The following ZNF143 variants were observed in gnomAD, a reference collection of about 807,000 sequenced individuals.
The protein encoded by ZNF143 is zinc finger protein 143.
Under a neutral mutation model 74.1 loss-of-function variants are expected in ZNF143, and 49 were observed. The observed-to-expected ratio is 0.66, with a 90% confidence interval of 0.53 to 0.84. The LOEUF is 0.84. Among genes scored for constraint, ZNF143 ranks in the 40% least tolerant of loss-of-function variants. The pLI is 0.00. For missense variants in ZNF143, 637 were observed against 793.4 expected, an observed-to-expected ratio of 0.80 and a Z score of 2.37; for synonymous variants, 304 against 282.8, an observed-to-expected ratio of 1.07 and a Z score of -0.75.
At chr11:9,489,016 A>C (rs1847668826) in intron 7 of ZNF143, among the ~76,000 whole-genome samples, 1 of 152,224 alleles carries the variant, frequency 6.6e-6, no homozygotes, top group Non-Finnish European at 1.5e-5. Context: ...CAAATACTCT[A>C]TGCATTGAGG....
chr11:9,497,164 T>G (rs1048372780), intron 9 of ZNF143, among the ~76,000 whole-genome samples: 11 of 152,294 alleles, frequency 7.2e-5, no homozygotes, highest in Admixed American at 2.0e-4. Flanking sequence ...ACACACAACC[T>G]CTTTTAGACA....
At chr11:9,486,793 C>T (rs1228084716) in intron 7 of ZNF143, among the ~76,000 whole-genome samples, 2 of 149,580 alleles carry the variant, frequency 1.3e-5, no homozygotes, top group African/African-American at 5.0e-5. Flanking sequence ...CTCAGCCTCC[C>T]GAGTAGCTGG....
At chr11:9,521,003 G>A (rs1159407866) in intron 14 of ZNF143, among the ~76,000 whole-genome samples, 2 of 152,084 alleles carry the variant, frequency 1.3e-5, no homozygotes, top group Non-Finnish European at 2.9e-5. Flanking sequence ...ATTTTTTAGA[G>A]CTGTTATAGG....
At chr11:9,473,810 C>T (rs1856724666) in intron 3 of ZNF143, 131 bp from the exon 4 acceptor site, 1 of 1,578,376 alleles carries the variant, frequency 6.3e-7, no homozygotes, top group East Asian at 2.3e-5. Flanking sequence ...TGCCTCAGAA[C>T]ATTGAGGGAA....
intron 3 of ZNF143, 27 bp from the exon 4 acceptor site, chr11:9,473,914 T>C (rs1160216241): frequency 6.2e-7 from 1 of 1,613,598 alleles, no homozygotes; most frequent in South Asian, 1.1e-5. Context: ...TTTGTGCCAA[T>C]TTATTGTCTT....
At chr11:9,471,812 A>G (rs1324875633) in intron 2 of ZNF143, among the ~76,000 whole-genome samples, 1 of 151,974 alleles carries the variant, frequency 6.6e-6, no homozygotes, top group East Asian at 1.9e-4. Context: ...TCGGCCTCCC[A>G]AAGTGCTGGG....
chr11:9,516,465 G>A (rs960790499), intron 14 of ZNF143, 103 bp downstream of exon 14: 3 of 1,139,358 alleles, frequency 2.6e-6, no homozygotes, highest in African/African-American at 1.5e-5. Context: ...AAACTTGGGA[G>A]TGACTAATAT....
intron 5 of ZNF143, 58 bp downstream of exon 5, chr11:9,474,691 A>G (rs1590514951): frequency 6.8e-7 from 1 of 1,478,928 alleles, no homozygotes; most frequent in Non-Finnish European, 9.4e-7. Flanking sequence ...GGTGGGGGAA[A>G]GAAGACCTGT....
chr11:9,466,220 T>G (rs1856201948), intron 1 of ZNF143, among the ~76,000 whole-genome samples: 1 of 151,764 alleles, frequency 6.6e-6, no homozygotes, highest in South Asian at 2.1e-4. Context: ...TGACCTTAGG[T>G]GATCCACCCA....
chr11:9,489,955 A>G (rs1409773778), intron 7 of ZNF143, among the ~76,000 whole-genome samples: 1 of 152,142 alleles, frequency 6.6e-6, no homozygotes, highest in Non-Finnish European at 1.5e-5. Context: ...CTGAGGCAGG[A>G]GGATTGCTTG....
At position 9,483,986 on chromosome 11, in the gene ZNF143, G is replaced by C. The variant is rs914982413; in HGVS notation, c.645+4440G>C. ...GATGGTCTGAATCTCTTGACCTCGT[G>C]ATCCGCCCGCCTCAGCCTCCCAAAG... On this transcript the variant is annotated intron_variant, in intron 7 of 15. Transcript: ENST00000396602. Among the ~76,000 whole-genome samples, 3 of 150,548 alleles carry C rather than the reference G, an allele frequency of 2.0e-5. 1 individual carries two copies. The highest frequency in any genetic ancestry group is 7.4e-5 in the African/African-American group (3 of 40,392).
intron 7 of ZNF143, among the ~76,000 whole-genome samples, chr11:9,480,900 GAAAA>G (rs996501321): frequency 6.8e-6 from 1 of 147,932 alleles, no homozygotes; most frequent in African/African-American, 2.6e-5. Flanking sequence ...AAAAAAAAAA[GAAAA>G]AAGAAAAAGA....
chr11:9,503,905 G>A (rs1405605266), intron 11 of ZNF143, among the ~76,000 whole-genome samples: 1 of 146,534 alleles, frequency 6.8e-6, no homozygotes, highest in African/African-American at 2.5e-5. Flanking sequence ...ACCTGCCTTG[G>A]CCTCCCAAAG....
intron 11 of ZNF143, among the ~76,000 whole-genome samples, chr11:9,504,974 CT>C (rs111642415): frequency 0.029 from 2,102 of 73,460 alleles, 140 homozygotes; most frequent in African/African-American, 0.073. Context: ...CGCCCAGCCT[CT>C]TTTTTTTTTT....
Position 9,471,377 on chromosome 11 carries a change from G to T in ZNF143, c.69G>T (p.Ala23=), listed in dbSNP as rs199517484. Residue 23 remains alanine, a synonymous_variant, in exon 2 of 16, where the codon GCG becomes GCT. Coordinates refer to ENST00000396602, the MANE Select transcript of ZNF143 (RefSeq NM_003442.6). ...AGTTTCCTGGAGGAGGGATGGAGGC[G>T]CAACATGTTACGCTGTGCTTGACAG... is the stretch of plus-strand genomic sequence containing the variant. ...MTEFPGGGME[A]QHVTLCLTEA... 1.9e-5 allele frequency: 31 copies of T among 1,612,378 alleles called. 1 individual carries two copies. In the Middle Eastern group the frequency reaches 9.9e-4, roughly 51 times the overall value.
chr11:9,479,547 G>A lies in ZNF143; in HGVS notation c.645+1G>A. 6.2e-7 allele frequency: 1 copy of A among 1,610,968 alleles called. No homozygotes were observed. Among genetic ancestry groups the A allele is most frequent in the Non-Finnish European group, 8.5e-7 (1 of 1,178,722 alleles). ...AAATGAGCAAGAGAAAAAAATGCAG[G>A]TATGTAAAGCTACTTTTTAATATAA... On this transcript the variant is annotated splice_donor_variant, in intron 7 of 15. Coordinates refer to ENST00000396602, the MANE Select transcript of ZNF143 (RefSeq NM_003442.6). LOFTEE classifies it high-confidence loss of function.
Position 9,518,343 on chromosome 11 carries a change from G to A in ZNF143, c.1686+1981G>A, listed in dbSNP as rs75322050. Among the ~76,000 whole-genome samples, 483 of 152,294 alleles carry A rather than the reference G, an allele frequency of 3.2e-3. 1 individual carries two copies. The highest frequency in any genetic ancestry group is 5.2e-3 in the Non-Finnish European group (354 of 68,024). ...TGTTGGCAAAGATGTGGAGCAACTA[G>A]AATATTCATATACTGCTAGTGGGAA... On this transcript the variant is annotated intron_variant, in intron 14 of 15. Transcript: ENST00000396602.
In ZNF143 at chr11:9,471,400, C is replaced by G; in HGVS notation, c.92C>G (p.Thr31Arg). ...GCGCAACATGTTACGCTGTGCTTGA[C>G]AGAGGCAGTCACCGTGGCAGGTGAG... is the stretch of plus-strand genomic sequence containing the variant. ...MEAQHVTLCLTEAVTVADGDN... is the reference protein window; with the variant it reads ...MEAQHVTLCLREAVTVADGDN... Residue 31 changes from threonine to arginine, a missense_variant, in exon 2 of 16, where the codon ACA becomes AGA. Transcript: ENST00000396602. The G allele has an allele frequency of 1.2e-6, 2 of 1,606,516 alleles. No individual in the cohort carries two copies. The highest frequency in any genetic ancestry group is 1.7e-6 in the Non-Finnish European group (2 of 1,176,824).
chr11:9,481,601 T>C (rs1365181016), intron 7 of ZNF143, among the ~76,000 whole-genome samples: 1 of 151,886 alleles, frequency 6.6e-6, no homozygotes, highest in Non-Finnish European at 1.5e-5. Flanking sequence ...AGAAAAGCAG[T>C]TGTAGGCTGG....
Sources: gnomAD v4.1 joint callset for allele counts (sites outside exome capture counted in the v4.1 genomes callset) on GRCh38, gnomAD v4.1.1 for gene constraint, MANE v1.5 for transcripts, NCBI Gene and HGNC (gene_info 2026-07-23, HGNC 2026-07-21) for gene names.